FAM135A: variants seen among roughly 807,000 people sequenced by gnomAD.
The protein encoded by FAM135A is family with sequence similarity 135 member A.
In FAM135A, 79 loss-of-function variants were observed where a neutral mutation model predicts 146.8. That is an observed-to-expected ratio of 0.54 (90% CI 0.45 to 0.65). The LOEUF is 0.65. FAM135A is among the 30% of genes least tolerant of loss of function. FAM135A has a pLI of 0.00. For missense variants in FAM135A, 1,623 were observed against 1,758.2 expected (o/e 0.92, Z 1.38); for synonymous variants, 562 against 603.6 (o/e 0.93, Z 1.01).
chr6:70,545,005 C>T (rs1478100522), intron 20 of FAM135A, among the ~76,000 whole-genome samples: 2 of 151,294 alleles, frequency 1.3e-5, no homozygotes, highest in African/African-American at 4.9e-5. Flanking sequence ...GAGCCAAGAT[C>T]GCACCATTGC....
chr6:70,462,404 A>T (rs16869244), intron 5 of FAM135A, among the ~76,000 whole-genome samples: 1,706 of 152,292 alleles, frequency 0.011, 64 homozygotes, highest in East Asian at 0.078. Context: ...AGGTTGCCAA[A>T]ATGATTAATA....
rs1202543597 is a variant in FAM135A at position 70,472,914 on chromosome 6, C to G, written c.158-2496C>G. On this transcript the variant is annotated intron_variant, in intron 5 of 21. Coordinates refer to ENST00000418814, the MANE Select transcript of FAM135A (RefSeq NM_001162529.3). ...TACGTGGTTTCTATTTGTCCAATTCCTAATAATGTTAACTTGGATCTCTTA... is the reference window on the plus strand; with the variant it reads ...TACGTGGTTTCTATTTGTCCAATTCGTAATAATGTTAACTTGGATCTCTTA... Among the ~76,000 whole-genome samples the G allele has an allele frequency of 2.6e-5, 4 of 152,136 alleles. No individual in the cohort carries two copies. The East Asian group carries it at 7.7e-4, about 29-fold the overall frequency.
At chr6:70,435,922 G>A (rs567119102) in intron 4 of FAM135A, among the ~76,000 whole-genome samples, 5 of 152,238 alleles carry the variant, frequency 3.3e-5, no homozygotes, top group Non-Finnish European at 7.4e-5. Context: ...GGTGGCTCAC[G>A]CCTGTGATCC....
intron 1 of FAM135A, chr6:70,413,985 C>T (rs1267771672): frequency 1.0e-6 from 1 of 985,760 alleles, no homozygotes; most frequent in Non-Finnish European, 1.2e-6. Context: ...GTCCCTCGAC[C>T]CGTTCTTCCT....
At chr6:70,551,722 T>C (rs1799866038) in intron 20 of FAM135A, among the ~76,000 whole-genome samples, 1 of 152,094 alleles carries the variant, frequency 6.6e-6, no homozygotes. Flanking sequence ...GTCTCAGGGA[T>C]TAGAGAGGCC....
intron 8 of FAM135A, among the ~76,000 whole-genome samples, chr6:70,478,349 TA>T (rs1409566647): frequency 1.3e-5 from 2 of 152,216 alleles, no homozygotes; most frequent in Admixed American, 6.6e-5. Flanking sequence ...TTCAAATCAG[TA>T]AATTATATGA....
intron 4 of FAM135A, among the ~76,000 whole-genome samples, chr6:70,442,787 A>C (rs529048506): frequency 1.1e-4 from 16 of 152,328 alleles, no homozygotes; most frequent in African/African-American, 3.4e-4. Context: ...TGCTATAGGA[A>C]GTACATAATC....
chr6:70,438,477 AT>A (rs1773721682), intron 4 of FAM135A, among the ~76,000 whole-genome samples: 4 of 152,318 alleles, frequency 2.6e-5, no homozygotes, highest in African/African-American at 9.6e-5. Flanking sequence ...CAGGACAGAA[AT>A]TCTTTTGTCC....
At chr6:70,423,793 C>T (rs866319938) in intron 2 of FAM135A, among the ~76,000 whole-genome samples, 24 of 152,122 alleles carry the variant, frequency 1.6e-4, no homozygotes, top group Admixed American at 5.2e-4. Context: ...GATAATATTC[C>T]TATATTTCTT....
At chr6:70,496,626 G>C (rs532431931) in intron 11 of FAM135A, among the ~76,000 whole-genome samples, 2 of 152,106 alleles carry the variant, frequency 1.3e-5, no homozygotes, top group Non-Finnish European at 2.9e-5. Flanking sequence ...TGTAGAGTTT[G>C]TATGGTTTTA....
chr6:70,477,571 A>G lies in FAM135A; in HGVS notation c.542+239A>G, dbSNP rs148931279. On this transcript the variant is annotated intron_variant, in intron 8 of 21. Coordinates refer to ENST00000418814, the MANE Select transcript of FAM135A (RefSeq NM_001162529.3). ...TGGCCAGAGCAGGAGCAAAAGAGTCAGGAGGAGTTGCTACACACTTTTAAA... is the reference window on the plus strand; with the variant it reads ...TGGCCAGAGCAGGAGCAAAAGAGTCGGGAGGAGTTGCTACACACTTTTAAA... Among the ~76,000 whole-genome samples, 3 of 152,222 alleles carry G rather than the reference A, an allele frequency of 2.0e-5. No homozygotes were observed. In the East Asian group the frequency reaches 5.8e-4, roughly 29 times the overall value.
chr6:70,429,476 G>T (rs894937385), intron 4 of FAM135A, among the ~76,000 whole-genome samples: 4 of 151,386 alleles, frequency 2.6e-5, no homozygotes, highest in African/African-American at 9.8e-5. Flanking sequence ...TTGCGCTAGT[G>T]CACTCCAGCC....
intron 15 of FAM135A, 35 bp from the exon 16 acceptor site, chr6:70,528,257 C>A: frequency 2.6e-6 from 4 of 1,564,490 alleles, no homozygotes; most frequent in South Asian, 1.2e-5. Context: ...TGAATATGAT[C>A]CTTAGTAAAG....
intron 4 of FAM135A, among the ~76,000 whole-genome samples, chr6:70,442,058 A>T (rs1366566508): frequency 6.6e-6 from 1 of 151,734 alleles, no homozygotes; most frequent in East Asian, 1.9e-4. Context: ...GTTTACAAGG[A>T]TTTTACTTTT....
At chr6:70,453,564 A>AT (rs1445633164) in intron 5 of FAM135A, among the ~76,000 whole-genome samples, 1 of 136,070 alleles carries the variant, frequency 7.3e-6, no homozygotes, top group Non-Finnish European at 1.6e-5. Context: ...TTCCTCCCCC[A>AT]TCCCCCCACC....
At chr6:70,413,936 G>C in intron 1 of FAM135A, 1 of 985,512 alleles carries the variant, frequency 1.0e-6, no homozygotes, top group African/African-American at 1.7e-5. Context: ...GCGGCGCGCT[G>C]CTCTCCCGGT....
intron 12 of FAM135A, among the ~76,000 whole-genome samples, chr6:70,512,726 A>G (rs1444409790): frequency 6.6e-6 from 1 of 151,776 alleles, no homozygotes; most frequent in East Asian, 1.9e-4. Context: ...TGTCAAATAT[A>G]TTTATTAAAT....
intron 4 of FAM135A, among the ~76,000 whole-genome samples, chr6:70,430,877 A>G (rs773151098): frequency 1.3e-5 from 2 of 152,156 alleles, no homozygotes; most frequent in Non-Finnish European, 2.9e-5. Flanking sequence ...TCTTTAGTTC[A>G]TCTCTATCTT....
chr6:70,434,224 A>G (rs1037440160), intron 4 of FAM135A, among the ~76,000 whole-genome samples: 3 of 152,258 alleles, frequency 2.0e-5, no homozygotes, highest in Non-Finnish European at 4.4e-5. Flanking sequence ...AAATAGACAC[A>G]GAAACATTGC....
Sources: gnomAD v4.1 joint callset for allele counts (sites outside exome capture counted in the v4.1 genomes callset) on GRCh38, gnomAD v4.1.1 for gene constraint, MANE v1.5 for transcripts, NCBI Gene and HGNC (gene_info 2026-07-23, HGNC 2026-07-21) for gene names.